Variants in ACER3 observed in about 807,000 individuals in gnomAD.
The protein encoded by ACER3 is alkCDase 3.
ACER3 carries 16 observed loss-of-function variants against 48.9 expected under a neutral mutation model. The ratio of observed to expected loss-of-function variants is 0.33; its 90% CI spans 0.22 to 0.50. The LOEUF (loss-of-function observed/expected upper bound fraction) is 0.50, where lower values mean the gene tolerates loss of function less well. Ranked by LOEUF, ACER3 falls within the 20% of genes least tolerant of loss-of-function variation. The probability of loss-of-function intolerance (pLI) is 0.98; values close to 1 mark genes in which losing one functional copy is unlikely to be tolerated. For missense variants in ACER3, 227 were observed against 326.0 expected, an observed-to-expected ratio of 0.70 and a Z score of 2.34; for synonymous variants, 109 against 107.8, an observed-to-expected ratio of 1.01 and a Z score of -0.07.
chr11:76,916,062 T>C lies in ACER3; in HGVS notation c.104-10495T>C, dbSNP rs186344204. Among the ~76,000 whole-genome samples, 227 of 152,336 alleles carry C rather than the reference T, an allele frequency of 1.5e-3. 2 individuals are homozygous for C. The highest frequency in any genetic ancestry group is 3.9e-3 in the African/African-American group (164 of 41,576). On this transcript the variant is annotated intron_variant, in intron 1 of 10. Coordinates refer to ENST00000532485, the MANE Select transcript of ACER3 (RefSeq NM_018367.7). ...CTGCATTTTTAATAATTAAGGTTAA[T>C]TTAGTCTAAATTTAAAATGCATTTT... is the stretch of plus-strand genomic sequence containing the variant.
chr11:76,968,186 T>C (rs2135106391), intron 3 of ACER3, among the ~76,000 whole-genome samples: 1 of 151,448 alleles, frequency 6.6e-6, no homozygotes, highest in East Asian at 1.9e-4. Flanking sequence ...TGAACTCCCA[T>C]TCACAATTGC....
At chr11:76,945,657 G>A (rs1393067269) in intron 2 of ACER3, among the ~76,000 whole-genome samples, 2 of 152,194 alleles carry the variant, frequency 1.3e-5, no homozygotes, top group Admixed American at 6.5e-5. Context: ...ACCAGTGTTA[G>A]TGGGTACTGG....
intron 2 of ACER3, among the ~76,000 whole-genome samples, chr11:76,942,171 C>T (rs1947357807): frequency 6.6e-6 from 1 of 151,716 alleles, no homozygotes; most frequent in Non-Finnish European, 1.5e-5. Context: ...TTTTCTTTTG[C>T]CTGATTGCTC....
intron 1 of ACER3, among the ~76,000 whole-genome samples, chr11:76,923,763 A>G (rs899735286): frequency 1.3e-5 from 2 of 152,142 alleles, no homozygotes; most frequent in Admixed American, 6.5e-5. Flanking sequence ...CCTTTATCCA[A>G]TGCCCAGTGT....
chr11:76,929,649 A>G (rs543883541), intron 2 of ACER3, among the ~76,000 whole-genome samples: 4 of 152,292 alleles, frequency 2.6e-5, no homozygotes, highest in African/African-American at 9.6e-5. Context: ...AGTACCTAAT[A>G]CCTAATTTAT....
intron 4 of ACER3, among the ~76,000 whole-genome samples, chr11:76,981,602 T>G (rs1347975289): frequency 6.6e-6 from 1 of 152,226 alleles, no homozygotes; most frequent in Non-Finnish European, 1.5e-5. Context: ...ATAGATTAGT[T>G]TGTCTGCTCT....
chr11:77,022,196 C>T lies in ACER3; in HGVS notation c.*1869C>T, dbSNP rs1251582329. 6.6e-6 allele frequency: 1 copy of T among 152,174 alleles called. No homozygotes were observed. The highest frequency in any genetic ancestry group is 6.5e-5 in the Admixed American group (1 of 15,278). The allele number at this position is 152,174 out of a possible 1,614,324, so 9.4% of individuals were successfully genotyped here. A position where few individuals can be genotyped will look rare whatever the true frequency, so the allele number is the denominator to read the frequency against. On this transcript the variant is annotated 3_prime_UTR_variant, in exon 11 of 11. Transcript: ENST00000532485. Reference sequence around the variant, plus strand: ...CAGTGTAGGATAAAGGCATATCGTACATGGCAATGCTGTTAAACATGGTAA... The same window carrying T: ...CAGTGTAGGATAAAGGCATATCGTATATGGCAATGCTGTTAAACATGGTAA...
At chr11:76,923,343 C>T (rs1482741933) in intron 1 of ACER3, among the ~76,000 whole-genome samples, 1 of 152,160 alleles carries the variant, frequency 6.6e-6, no homozygotes, top group Non-Finnish European at 1.5e-5. Context: ...ATTGAACTTC[C>T]ACCATTTCTC....
chr11:76,914,768 T>G (rs1212571501), intron 1 of ACER3, among the ~76,000 whole-genome samples: 1 of 152,180 alleles, frequency 6.6e-6, no homozygotes, highest in Non-Finnish European at 1.5e-5. Flanking sequence ...GTGGCACTAT[T>G]CACAATAGCA....
At chr11:77,008,262 GAA>G (rs1385090346) in intron 7 of ACER3, among the ~76,000 whole-genome samples, 14 of 152,110 alleles carry the variant, frequency 9.2e-5, no homozygotes, top group African/African-American at 3.4e-4. Context: ...CATCTTCCCA[GAA>G]GCCCAAGTCC....
At chr11:76,878,276 TTTC>T (rs1945435256) in intron 1 of ACER3, among the ~76,000 whole-genome samples, 1 of 152,060 alleles carries the variant, frequency 6.6e-6, no homozygotes, top group African/African-American at 2.4e-5. Flanking sequence ...TTGCCATTAC[TTTC>T]AATGGCAAAA....
chr11:76,970,269 G>A (rs1948263251), intron 3 of ACER3, among the ~76,000 whole-genome samples: 1 of 152,162 alleles, frequency 6.6e-6, no homozygotes, highest in South Asian at 2.1e-4. Flanking sequence ...GTCAGTTGGA[G>A]AGCTTAGAAC....
At chr11:76,958,951 T>A in intron 2 of ACER3, 28 bp from the exon 3 acceptor site, 1 of 1,613,334 alleles carries the variant, frequency 6.2e-7, no homozygotes, top group Non-Finnish European at 8.5e-7. Flanking sequence ...AATTTCATGC[T>A]AATTTTTTTT....
At chr11:76,941,515 T>G (rs1947343032) in intron 2 of ACER3, among the ~76,000 whole-genome samples, 1 of 152,022 alleles carries the variant, frequency 6.6e-6, no homozygotes, top group Non-Finnish European at 1.5e-5. Flanking sequence ...TGAGACAGAG[T>G]CTTGCAGTGT....
chr11:76,885,541 G>A (rs1038800571), intron 1 of ACER3, among the ~76,000 whole-genome samples: 17 of 152,110 alleles, frequency 1.1e-4, no homozygotes, highest in African/African-American at 1.9e-4. Context: ...GGTCAGTCGG[G>A]GGGCAGAGGA....
At chr11:76,950,395 AT>A (rs1947625294) in intron 2 of ACER3, among the ~76,000 whole-genome samples, 1 of 32,688 alleles carries the variant, frequency 3.1e-5, no homozygotes, top group Admixed American at 2.2e-4. Flanking sequence ...ATATATATAT[AT>A]ATATATATAT....
At chr11:76,936,723 T>TTC (rs1947196837) in intron 2 of ACER3, among the ~76,000 whole-genome samples, 1 of 147,826 alleles carries the variant, frequency 6.8e-6, no homozygotes, top group Non-Finnish European at 1.5e-5. Flanking sequence ...CTTTCTTTCT[T>TTC]TTTTTTTTTT....
At chr11:76,931,704 T>G (rs1328204490) in intron 2 of ACER3, among the ~76,000 whole-genome samples, 1 of 152,022 alleles carries the variant, frequency 6.6e-6, no homozygotes, top group Non-Finnish European at 1.5e-5. Context: ...GTAAAGGATT[T>G]TATTTCTCCT....
chr11:76,889,020 G>C (rs757132179), intron 1 of ACER3, among the ~76,000 whole-genome samples: 2 of 152,132 alleles, frequency 1.3e-5, no homozygotes, highest in African/African-American at 2.4e-5. Context: ...TGGTCTTCTT[G>C]TTCCTTCGTG....
Sources: gnomAD v4.1 joint callset for allele counts (sites outside exome capture counted in the v4.1 genomes callset) on GRCh38, gnomAD v4.1.1 for gene constraint, MANE v1.5 for transcripts, NCBI Gene and HGNC (gene_info 2026-07-23, HGNC 2026-07-21) for gene names.